The following CSGALNACT1 variants were observed in gnomAD, a reference collection of about 807,000 sequenced individuals.
CSGALNACT1 encodes chondroitin sulfate N-acetylgalactosaminyltransferase 1, also known as beta4GalNAcT-1.
A neutral mutation model predicts 51.0 loss-of-function variants in CSGALNACT1; 52 were observed. The observed-to-expected ratio is 1.02, with a 90% CI of 0.82 to 1.29. The LOEUF (loss-of-function observed/expected upper bound fraction) is 1.29, where lower values mean the gene tolerates loss of function less well. Among genes scored for constraint, CSGALNACT1 ranks in the 50% most tolerant of loss-of-function variants. The pLI is 0.00. For synonymous variants in CSGALNACT1, 341 were observed against 254.4 expected (o/e 1.34, Z -3.24); for missense variants, 935 against 679.2 (o/e 1.38, Z -4.19).
intron 1 of CSGALNACT1, among the ~76,000 whole-genome samples, chr8:19,679,486 A>T (rs2060439363): frequency 1.3e-5 from 2 of 152,084 alleles, no homozygotes; most frequent in African/African-American, 4.8e-5. Flanking sequence ...AAAATAAAAC[A>T]CAAAGGGAAA....
chr8:19,458,022 G>C (rs560707774), intron 5 of CSGALNACT1, among the ~76,000 whole-genome samples: 1 of 152,132 alleles, frequency 6.6e-6, no homozygotes, highest in Admixed American at 6.5e-5. Flanking sequence ...TGCATAGCTC[G>C]CCAACTGTCA....
At chr8:19,590,695 G>T (rs1222027563) in intron 3 of CSGALNACT1, among the ~76,000 whole-genome samples, 3 of 130,966 alleles carry the variant, frequency 2.3e-5, no homozygotes, top group Admixed American at 9.1e-5. Context: ...TGTCGCCCAG[G>T]CTGGAGTGCA....
chr8:19,483,763 C>G (rs142334340), intron 4 of CSGALNACT1, among the ~76,000 whole-genome samples: 19 of 152,312 alleles, frequency 1.2e-4, no homozygotes, highest in African/African-American at 4.3e-4. Context: ...ATTTCTTCAT[C>G]TTTGTTTCAA....
intron 1 of CSGALNACT1, among the ~76,000 whole-genome samples, chr8:19,607,571 T>C (rs1219785992): frequency 6.6e-6 from 1 of 152,192 alleles, no homozygotes; most frequent in Admixed American, 6.5e-5. Context: ...AGTAAATCCT[T>C]CTGGGCTAGC....
chr8:19,423,528 T>G (rs1425731005), intron 6 of CSGALNACT1, among the ~76,000 whole-genome samples: 1 of 152,186 alleles, frequency 6.6e-6, no homozygotes, highest in African/African-American at 2.4e-5. Context: ...ATAAATGCTG[T>G]TCTCTCCTCT....
chr8:19,582,750 C>T (rs1301667872), intron 3 of CSGALNACT1, among the ~76,000 whole-genome samples: 1 of 152,102 alleles, frequency 6.6e-6, no homozygotes, highest in African/African-American at 2.4e-5. Context: ...CAAAGCCAAG[C>T]TATCTGAGTC....
At chr8:19,571,548 C>A (rs113643056) in intron 3 of CSGALNACT1, among the ~76,000 whole-genome samples, 5 of 123,688 alleles carry the variant, frequency 4.0e-5, no homozygotes, top group East Asian at 2.4e-4. Flanking sequence ...ATGGCTAATA[C>A]GGCATTTATA....
At chr8:19,425,010 T>G (rs1397790507) in intron 6 of CSGALNACT1, among the ~76,000 whole-genome samples, 2 of 152,178 alleles carry the variant, frequency 1.3e-5, no homozygotes, top group South Asian at 4.1e-4. Context: ...AAACTCACCA[T>G]GCCAAAAGGA....
At chr8:19,622,134 T>C (rs1211213568) in intron 1 of CSGALNACT1, among the ~76,000 whole-genome samples, 3 of 152,248 alleles carry the variant, frequency 2.0e-5, no homozygotes, top group Non-Finnish European at 4.4e-5. Context: ...ATTTTTATAA[T>C]ACAGGTATAA....
intron 9 of CSGALNACT1, among the ~76,000 whole-genome samples, 153 bp from the exon 9 acceptor site, chr8:19,406,222 C>G (rs1347626147): frequency 6.6e-6 from 1 of 152,120 alleles, no homozygotes; most frequent in East Asian, 1.9e-4. Flanking sequence ...CCACCTGGGT[C>G]AGAAGCCCCG....
chr8:19,567,971 T>C (rs2042231304), intron 3 of CSGALNACT1, among the ~76,000 whole-genome samples: 1 of 152,208 alleles, frequency 6.6e-6, no homozygotes, highest in African/African-American at 2.4e-5. Flanking sequence ...ATGATGTAAC[T>C]TCACTGAGTT....
intron 1 of CSGALNACT1, among the ~76,000 whole-genome samples, chr8:19,630,192 CTCTG>C (rs1299521731): frequency 8.3e-5 from 10 of 120,076 alleles, no homozygotes; most frequent in South Asian, 6.1e-4. Context: ...GTTCCCACGT[CTCTG>C]TGTGTGTGTG....
chr8:19,450,459 G>A (rs1040031408), intron 5 of CSGALNACT1, among the ~76,000 whole-genome samples: 1 of 152,124 alleles, frequency 6.6e-6, no homozygotes, highest in Non-Finnish European at 1.5e-5. Flanking sequence ...GGTAGAGACT[G>A]CAGAGACCCA....
At chr8:19,520,252 G>C (rs985188248) in intron 3 of CSGALNACT1, among the ~76,000 whole-genome samples, 3 of 152,174 alleles carry the variant, frequency 2.0e-5, no homozygotes, top group African/African-American at 4.8e-5. Flanking sequence ...ATCAACCAAG[G>C]CTTCTCTCTT....
intron 4 of CSGALNACT1, among the ~76,000 whole-genome samples, chr8:19,464,247 G>C (rs562111162): frequency 1.3e-5 from 2 of 152,196 alleles, no homozygotes; most frequent in South Asian, 4.1e-4. Context: ...ATAACAAGAA[G>C]CATCTGCCAA....
At chr8:19,547,283 T>C (rs752401130) in intron 3 of CSGALNACT1, among the ~76,000 whole-genome samples, 12 of 152,204 alleles carry the variant, frequency 7.9e-5, no homozygotes, top group Non-Finnish European at 1.5e-4. Flanking sequence ...TGGTCATCTA[T>C]GGTCCAAGTC....
chr8:19,630,437 T>G lies in CSGALNACT1; in HGVS notation c.-543-28572A>C, dbSNP rs187414757. Among the ~76,000 whole-genome samples, 474 of 152,212 alleles carry G rather than the reference T, an allele frequency of 3.1e-3. 4 individuals are homozygous for G. The highest frequency in any genetic ancestry group is 0.011 in the African/African-American group (457 of 41,546). On this transcript the variant is annotated intron_variant, in intron 1 of 9. Transcript: ENST00000332246. The stretch of plus-strand genomic sequence containing the variant: ...CCATCAGTTTCCCCCATTATTAACA[T>G]CATGCATTGGTGTGGTATATTTGTT...
intron 1 of CSGALNACT1, among the ~76,000 whole-genome samples, chr8:19,737,184 GATAA>G (rs1343174843): frequency 2.0e-5 from 3 of 152,016 alleles, no homozygotes; most frequent in Non-Finnish European, 2.9e-5. Context: ...GTTACTGTCA[GATAA>G]ATAAAACTAG....
At chr8:19,642,617 A>T (rs1222275287) in intron 1 of CSGALNACT1, among the ~76,000 whole-genome samples, 2 of 152,040 alleles carry the variant, frequency 1.3e-5, no homozygotes, top group African/African-American at 4.8e-5. Context: ...CAAAAACAAA[A>T]CAAAACAAAA....
Sources: gnomAD v4.1 joint callset for allele counts (sites outside exome capture counted in the v4.1 genomes callset) on GRCh38, gnomAD v4.1.1 for gene constraint, MANE v1.5 for transcripts, NCBI Gene and HGNC (gene_info 2026-07-23, HGNC 2026-07-21) for gene names.